The following ARHGAP39 variants were observed in gnomAD, a reference collection of about 807,000 sequenced individuals.
The protein encoded by ARHGAP39 is Rho GTPase activating protein 39.
In ARHGAP39, 44 loss-of-function variants were observed where a neutral mutation model predicts 106.9. The observed-to-expected ratio is 0.41, with a 90% confidence interval of 0.32 to 0.53. The LOEUF is 0.53. Ranked by LOEUF, ARHGAP39 falls within the 20% of genes least tolerant of loss-of-function variation. The pLI, the probability that ARHGAP39 is intolerant of heterozygous loss-of-function variation, is 0.21. For synonymous variants in ARHGAP39, 768 were observed against 693.2 expected, an observed-to-expected ratio of 1.11 and a Z score of -1.69; for missense variants, 1,496 against 1,577.3, an observed-to-expected ratio of 0.95 and a Z score of 0.87.
rs746547840 is a variant in ARHGAP39 at position 144,548,173 on chromosome 8, G to T, written c.913C>A (p.Arg305Ser). Residue 305 changes from arginine to serine, a missense_variant, in exon 5 of 12, where the codon CGC becomes AGC. Arg to Ser is a moderately radical substitution (Grantham distance 110). Coordinates refer to ENST00000377307, the MANE Select transcript of ARHGAP39 (RefSeq NM_025251.3). The surrounding 1 kb of genome is among the most constrained non-coding windows in gnomAD (Gnocchi z 7.4). ...PSGDSQPSSP[R>S]YGYEPPLYEE... ...TAGAGCGGGGGTTCATAGCCATAGC[G>T]CGGGGAGGAGGGCTGCGAGTCCCCG... The T allele has an allele frequency of 1.5e-5, 24 of 1,576,998 alleles. No homozygotes were observed. The African/African-American group carries it at 2.7e-4, about 18-fold the overall frequency.
intron 6 of ARHGAP39, among the ~76,000 whole-genome samples, chr8:144,543,167 G>A (rs1366364663): frequency 6.6e-6 from 1 of 152,046 alleles, no homozygotes; most frequent in Admixed American, 6.5e-5. Context: ...ATAAAGACAG[G>A]GTCTCACTTT....
chr8:144,530,417 C>A lies in ARHGAP39; in HGVS notation c.*5G>T. ...GGACATCCCTCCTGTCCCCGGGCGCCCCCGCTACAGCACACCCTCCATGAA... is the reference window on the plus strand; with the variant it reads ...GGACATCCCTCCTGTCCCCGGGCGCACCCGCTACAGCACACCCTCCATGAA... On this transcript the variant is annotated 3_prime_UTR_variant, in exon 12 of 12. Coordinates refer to ENST00000377307, the MANE Select transcript of ARHGAP39 (RefSeq NM_025251.3). The A allele has an allele frequency of 6.3e-7, 1 of 1,590,678 alleles. No individual in the cohort carries two copies. Among genetic ancestry groups the A allele is most frequent in the Non-Finnish European group, 8.6e-7 (1 of 1,165,810 alleles).
intron 3 of ARHGAP39, among the ~76,000 whole-genome samples, chr8:144,562,931 C>T (rs1219099668): frequency 3.3e-5 from 5 of 152,384 alleles, no homozygotes; most frequent in Admixed American, 6.5e-5. Flanking sequence ...AGCTGACAGA[C>T]GTTACTGGTA....
intron 2 of ARHGAP39, among the ~76,000 whole-genome samples, chr8:144,601,278 G>C (rs1819917297): frequency 6.8e-6 from 1 of 146,202 alleles, no homozygotes; most frequent in African/African-American, 2.5e-5. Context: ...CTGTGTGTGT[G>C]CATGGAGGCA....
At chr8:144,605,437 C>T (rs554403900) in intron 2 of ARHGAP39, 98 bp downstream of exon 2, 42 of 1,280,984 alleles carry the variant, frequency 3.3e-5, no homozygotes, top group Admixed American at 2.4e-4. Flanking sequence ...CCATTCTCCA[C>T]GGAGAATCCT....
Position 144,547,660 on chromosome 8 carries a change from A to C in ARHGAP39, c.1426T>G (p.Ser476Ala), listed in dbSNP as rs1817503657. The change falls in exon 5 of 12, where the codon TCC (serine) becomes GCC (alanine). Residue 476 changes from serine (S) to alanine (A), a missense_variant. Coordinates refer to ENST00000377307, the MANE Select transcript of ARHGAP39 (RefSeq NM_025251.3). The surrounding 1 kb of genome is among the most constrained non-coding windows in gnomAD (Gnocchi z 5.2). ...GAGGACAGGGTGTCCTGCTGGCTGGACCAGGACATGGCATCCTCCTGGGCC... is the reference window on the plus strand; with the variant it reads ...GAGGACAGGGTGTCCTGCTGGCTGGCCCAGGACATGGCATCCTCCTGGGCC... Reference protein sequence around the residue: ...PQAQEDAMSWSSQQDTLSSTG... With the variant: ...PQAQEDAMSWASQQDTLSSTG... 1.3e-6 allele frequency: 2 copies of C among 1,556,136 alleles called. No individual in the cohort carries two copies. Among genetic ancestry groups the C allele is most frequent in the Non-Finnish European group, 1.7e-6 (2 of 1,154,680 alleles).
intron 3 of ARHGAP39, among the ~76,000 whole-genome samples, chr8:144,578,594 T>C (rs561075224): frequency 6.6e-6 from 1 of 152,308 alleles, no homozygotes; most frequent in South Asian, 2.1e-4. Flanking sequence ...ATGTCTGTAA[T>C]CCCAGTGCTT....
chr8:144,607,378 G>C (rs900080519), intron 1 of ARHGAP39, among the ~76,000 whole-genome samples: 2 of 152,168 alleles, frequency 1.3e-5, no homozygotes, highest in Non-Finnish European at 2.9e-5. Context: ...TGGTGACGGG[G>C]AGGGACCCAC....
At chr8:144,665,855 A>G (rs1007709496) in intron 1 of ARHGAP39, among the ~76,000 whole-genome samples, 2 of 152,222 alleles carry the variant, frequency 1.3e-5, no homozygotes, top group Non-Finnish European at 2.9e-5. Flanking sequence ...TGGAGTCCCT[A>G]CTGGGGCATG....
chr8:144,687,046 C>T (rs1378680793), upstream of ARHGAP39, among the ~76,000 whole-genome samples: 2 of 131,252 alleles, frequency 1.5e-5, no homozygotes, highest in East Asian at 2.4e-4. Flanking sequence ...CGAGCACTTC[C>T]CACCCCCGTG....
At chr8:144,602,127 G>C (rs1320624625) in intron 2 of ARHGAP39, among the ~76,000 whole-genome samples, 1 of 147,332 alleles carries the variant, frequency 6.8e-6, no homozygotes, top group Non-Finnish European at 1.5e-5. Context: ...GTGCATGGAG[G>C]TGTGTGTGCG....
chr8:144,561,723 C>G (rs974584532), intron 3 of ARHGAP39, among the ~76,000 whole-genome samples: 2 of 150,280 alleles, frequency 1.3e-5, no homozygotes, highest in Non-Finnish European at 3.0e-5. Context: ...TGGTTTCCAT[C>G]GGACTTAATC....
chr8:144,620,549 C>T (rs2130966988), intron 1 of ARHGAP39, among the ~76,000 whole-genome samples: 1 of 145,576 alleles, frequency 6.9e-6, no homozygotes, highest in South Asian at 2.1e-4. Context: ...GCATATATGC[C>T]CGTGTGCGTG....
intron 1 of ARHGAP39, chr8:144,605,900 C>A (rs145153558): frequency 2.1e-6 from 1 of 467,382 alleles, no homozygotes; most frequent in Admixed American, 3.5e-5. Context: ...CAGCCCCACA[C>A]GCAGCAGGGA....
chr8:144,535,093 G>A (rs1441645652), intron 7 of ARHGAP39, among the ~76,000 whole-genome samples: 1 of 152,208 alleles, frequency 6.6e-6, no homozygotes, highest in Non-Finnish European at 1.5e-5. Context: ...ACCTGCCCCA[G>A]CGCCCAGCGC....
At chr8:144,615,347 C>G (rs530479997) in intron 1 of ARHGAP39, among the ~76,000 whole-genome samples, 2 of 152,152 alleles carry the variant, frequency 1.3e-5, no homozygotes, top group Non-Finnish European at 2.9e-5. Flanking sequence ...AAAAACAAGT[C>G]TGTATCTTAC....
At chr8:144,582,587 A>G (rs145889423) in intron 2 of ARHGAP39, among the ~76,000 whole-genome samples, 5 of 152,210 alleles carry the variant, frequency 3.3e-5, no homozygotes, top group Non-Finnish European at 7.3e-5. Flanking sequence ...TTTGGATGCC[A>G]CAGGCAGAAG....
chr8:144,540,826 C>A (rs920627728), intron 6 of ARHGAP39, among the ~76,000 whole-genome samples: 1 of 152,110 alleles, frequency 6.6e-6, no homozygotes, highest in Non-Finnish European at 1.5e-5. Flanking sequence ...TTATTTGAAA[C>A]GAAGTCCCTG....
chr8:144,610,801 T>C (rs930996268), intron 1 of ARHGAP39, among the ~76,000 whole-genome samples: 1 of 152,170 alleles, frequency 6.6e-6, no homozygotes, highest in Non-Finnish European at 1.5e-5. Flanking sequence ...TTTGATATGC[T>C]GTATTTTCAT....
Sources: allele counts gnomAD v4.1 joint callset (sites outside exome capture counted in the v4.1 genomes callset), GRCh38; gene constraint gnomAD v4.1.1; non-coding constraint Gnocchi (gnomAD v3.1); transcripts MANE v1.5; gene names NCBI Gene and HGNC (gene_info 2026-07-23, HGNC 2026-07-21).